The following CNOT2 variants were observed in gnomAD, a reference collection of about 807,000 sequenced individuals.
CNOT2 encodes the protein CCR4-NOT transcription complex subunit 2.
In CNOT2, 7 loss-of-function variants were observed where a neutral mutation model predicts 72.1. The observed-to-expected ratio is 0.10, with a 90% CI of 0.06 to 0.18. The LOEUF (loss-of-function observed/expected upper bound fraction) is 0.18. CNOT2 is among the 10% of genes least tolerant of loss of function. The pLI is 1.00. For synonymous variants in CNOT2, 196 were observed against 225.6 expected, an observed-to-expected ratio of 0.87 and a Z score of 1.17; for missense variants, 345 against 660.3, an observed-to-expected ratio of 0.52 and a Z score of 5.23.
chr12:70,345,297 T>C (rs1882027545), intron 14 of CNOT2: 1 of 152,206 alleles, frequency 6.6e-6, no homozygotes, highest in South Asian at 2.1e-4. Flanking sequence ...AGTATGTTGA[T>C]AATGAATTGT....
At chr12:70,270,186 T>A (rs1375207096) in intron 1 of CNOT2, among the ~76,000 whole-genome samples, 1 of 152,158 alleles carries the variant, frequency 6.6e-6, no homozygotes, top group Admixed American at 6.5e-5. Context: ...CTCTGGTAAA[T>A]TTCTGTGTGA....
intron 13 of CNOT2, chr12:70,343,873 A>G: frequency 3.0e-6 from 1 of 337,358 alleles, no homozygotes; most frequent in Non-Finnish European, 5.3e-6. Context: ...GGAAGTCTTT[A>G]TTGAGCTTTT....
intron 1 of CNOT2, among the ~76,000 whole-genome samples, chr12:70,254,992 AAAAAAAG>A (rs1958357650): frequency 1.3e-5 from 2 of 151,418 alleles, no homozygotes; most frequent in Non-Finnish European, 2.9e-5. Flanking sequence ...AAAAAAAAAA[AAAAAAAG>A]AAGAAGAAGA....
intron 1 of CNOT2, chr12:70,243,903 G>A (rs1178874397): frequency 6.6e-6 from 1 of 152,242 alleles, no homozygotes; most frequent in African/African-American, 2.4e-5. Context: ...GAGAAGAGAA[G>A]GCGGCAGCGG....
At chr12:70,327,217 A>C (rs540472304) in intron 4 of CNOT2, among the ~76,000 whole-genome samples, 17 of 134,188 alleles carry the variant, frequency 1.3e-4, no homozygotes, top group African/African-American at 4.0e-4. Context: ...GGTGAAAAGT[A>C]AAGGAAAAGT....
chr12:70,262,037 T>A (rs888965028), intron 1 of CNOT2, among the ~76,000 whole-genome samples: 1 of 152,110 alleles, frequency 6.6e-6, no homozygotes, highest in African/African-American at 2.4e-5. Context: ...ATGCCTACCC[T>A]ACAAAGTTGT....
intron 5 of CNOT2, among the ~76,000 whole-genome samples, chr12:70,329,883 T>C (rs1261677082): frequency 6.6e-6 from 1 of 152,022 alleles, no homozygotes; most frequent in Non-Finnish European, 1.5e-5. Flanking sequence ...CCCCAGATGA[T>C]TGTGATCATT....
At chr12:70,269,291 T>C (rs1486689321) in intron 1 of CNOT2, among the ~76,000 whole-genome samples, 1 of 127,216 alleles carries the variant, frequency 7.9e-6, no homozygotes, top group East Asian at 2.2e-4. Flanking sequence ...TTTTTTAAGC[T>C]TTTTTTTTTT....
intron 1 of CNOT2, among the ~76,000 whole-genome samples, chr12:70,262,567 G>C (rs749844898): frequency 6.6e-6 from 1 of 152,198 alleles, no homozygotes; most frequent in African/African-American, 2.4e-5. Flanking sequence ...GAGCCACGGC[G>C]CCCGGCCTAA....
intron 2 of CNOT2, among the ~76,000 whole-genome samples, chr12:70,299,815 G>C (rs1014413983): frequency 5.3e-5 from 8 of 152,132 alleles, no homozygotes; most frequent in African/African-American, 1.9e-4. Flanking sequence ...TTCCACAATG[G>C]TTGAACTAGT....
intron 2 of CNOT2, chr12:70,294,387 T>C: frequency 3.9e-6 from 3 of 771,494 alleles, no homozygotes; most frequent in Admixed American, 2.5e-5. Context: ...TGAGTCATTT[T>C]GTTAGTTTAG....
chr12:70,352,937 G>A (rs183729721), intron 15 of CNOT2, among the ~76,000 whole-genome samples: 1 of 152,108 alleles, frequency 6.6e-6, no homozygotes, highest in African/African-American at 2.4e-5. Context: ...CAGAACCATT[G>A]TCTAGTTTTC....
At chr12:70,308,029 A>G (rs892652837) in intron 2 of CNOT2, 2 of 152,308 alleles carry the variant, frequency 1.3e-5, no homozygotes, top group Middle Eastern at 3.4e-3. Context: ...TCTAGCCCCA[A>G]CCAGTCTCTC....
intron 6 of CNOT2, chr12:70,331,401 G>A (rs1879918263): frequency 6.6e-6 from 1 of 151,710 alleles, no homozygotes; most frequent in African/African-American, 2.4e-5. Flanking sequence ...TCATCTCCTT[G>A]ATACCTTTCT....
intron 2 of CNOT2, among the ~76,000 whole-genome samples, chr12:70,282,675 C>T (rs1473593267): frequency 1.3e-5 from 2 of 152,128 alleles, no homozygotes; most frequent in African/African-American, 2.4e-5. Flanking sequence ...GAGCTATTTC[C>T]GTTTCCCATT....
At chr12:70,311,548 G>A (rs557380881) in intron 3 of CNOT2, among the ~76,000 whole-genome samples, 45 of 152,114 alleles carry the variant, frequency 3.0e-4, no homozygotes, top group African/African-American at 1.0e-3. Flanking sequence ...GGATGATATA[G>A]AGATATGAAT....
At chr12:70,281,478 A>G (rs1237820000) in intron 2 of CNOT2, among the ~76,000 whole-genome samples, 2 of 152,172 alleles carry the variant, frequency 1.3e-5, no homozygotes, top group Non-Finnish European at 2.9e-5. Flanking sequence ...TACCTTTCCA[A>G]TATATCTCCT....
intron 11 of CNOT2, among the ~76,000 whole-genome samples, chr12:70,339,039 TGTG>T (rs1467758816): frequency 2.7e-5 from 4 of 149,134 alleles, no homozygotes; most frequent in Non-Finnish European, 5.9e-5. Flanking sequence ...TGTGTGTGTG[TGTG>T]TGTGTGTGCA....
chr12:70,295,234 G>A (rs2135884979), intron 2 of CNOT2, among the ~76,000 whole-genome samples: 1 of 152,210 alleles, frequency 6.6e-6, no homozygotes, highest in African/African-American at 2.4e-5. Context: ...GATGGCCCAT[G>A]GTTGCTAAGT....
Sources: allele counts gnomAD v4.1 joint callset (sites outside exome capture counted in the v4.1 genomes callset), GRCh38; gene constraint gnomAD v4.1.1; transcripts MANE v1.5; gene names NCBI Gene and HGNC (gene_info 2026-07-23, HGNC 2026-07-21).